CNTN5: variants seen among roughly 807,000 people sequenced by gnomAD.
CNTN5 encodes contactin-5.
CNTN5 carries 77 observed loss-of-function variants against 129.1 expected under a neutral mutation model. That is an observed-to-expected ratio of 0.60 (90% confidence interval 0.50 to 0.72). The LOEUF is 0.72. Among genes scored for constraint, CNTN5 ranks in the 30% least tolerant of loss-of-function variants. The probability of loss-of-function intolerance (pLI) is 0.00; values close to 1 mark genes in which losing one functional copy is unlikely to be tolerated. For synonymous variants in CNTN5, 509 were observed against 465.6 expected (o/e 1.09, Z -1.20); for missense variants, 1,478 against 1,328.8 (o/e 1.11, Z -1.75).
At chr11:100,217,966 A>G (rs1431793460) in intron 15 of CNTN5, among the ~76,000 whole-genome samples, 2 of 152,194 alleles carry the variant, frequency 1.3e-5, no homozygotes, top group African/African-American at 4.8e-5. Flanking sequence ...GAGTCCCAAC[A>G]TGGTCCCTTC....
At chr11:100,064,491 A>G (rs1484444214) in intron 10 of CNTN5, among the ~76,000 whole-genome samples, 7 of 152,178 alleles carry the variant, frequency 4.6e-5, no homozygotes, top group Non-Finnish European at 8.8e-5. Flanking sequence ...CTAATATAAC[A>G]TAAATAGGTC....
intron 9 of CNTN5, among the ~76,000 whole-genome samples, chr11:100,003,627 T>C (rs550764573): frequency 4.5e-4 from 68 of 152,332 alleles, no homozygotes; most frequent in African/African-American, 1.6e-3. Flanking sequence ...GCTTATTTAA[T>C]AAGTTAGATG....
chr11:100,245,465 C>T (rs111965157), intron 16 of CNTN5, among the ~76,000 whole-genome samples: 1,529 of 152,106 alleles, frequency 0.01, 29 homozygotes, highest in African/African-American at 0.035. Flanking sequence ...ATGAGATTGG[C>T]AGGACTGATA....
chr11:99,831,924 A>T (rs1414477179), intron 4 of CNTN5, among the ~76,000 whole-genome samples: 2 of 152,178 alleles, frequency 1.3e-5, no homozygotes, highest in Non-Finnish European at 2.9e-5. Context: ...GTGTAGTCAG[A>T]AGAGGATCAG....
At chr11:99,507,803 C>A (rs1946682862) in intron 2 of CNTN5, among the ~76,000 whole-genome samples, 3 of 152,120 alleles carry the variant, frequency 2.0e-5, no homozygotes, top group Non-Finnish European at 4.4e-5. Context: ...CTTCCAGCTT[C>A]TTTTCCGTTT....
At chr11:99,911,933 A>G (rs1420977310) in intron 6 of CNTN5, among the ~76,000 whole-genome samples, 3 of 151,956 alleles carry the variant, frequency 2.0e-5, no homozygotes, top group Non-Finnish European at 4.4e-5. Flanking sequence ...AATAATTTAC[A>G]ACAATATATA....
intron 3 of CNTN5, among the ~76,000 whole-genome samples, chr11:99,642,121 C>T (rs965561173): frequency 1.3e-5 from 2 of 152,094 alleles, no homozygotes; most frequent in African/African-American, 2.4e-5. Flanking sequence ...TGAAAGAGTG[C>T]CAGTCTTGAG....
intron 3 of CNTN5, among the ~76,000 whole-genome samples, chr11:99,577,360 C>G (rs947385157): frequency 1.3e-5 from 2 of 152,052 alleles, no homozygotes; most frequent in Admixed American, 6.6e-5. Flanking sequence ...TAAATGGGCT[C>G]TTCACATTTA....
intron 3 of CNTN5, among the ~76,000 whole-genome samples, chr11:99,576,115 A>G (rs1331447714): frequency 6.6e-6 from 1 of 152,024 alleles, no homozygotes; most frequent in Non-Finnish European, 1.5e-5. Flanking sequence ...GAAACAAATA[A>G]CCGCTTTTTC....
intron 13 of CNTN5, among the ~76,000 whole-genome samples, chr11:100,124,003 C>A (rs1485241236): frequency 3.9e-5 from 6 of 152,008 alleles, no homozygotes; most frequent in Admixed American, 2.0e-4. Context: ...GGCTTATAAA[C>A]CAAAAAGTTC....
chr11:100,285,842 T>C (rs11827124), intron 18 of CNTN5, among the ~76,000 whole-genome samples: 10 of 152,082 alleles, frequency 6.6e-5, no homozygotes, highest in African/African-American at 2.2e-4. Context: ...CCATCTGAGG[T>C]ACCGGGTTCA....
intron 13 of CNTN5, among the ~76,000 whole-genome samples, chr11:100,123,228 T>C (rs972430825): frequency 1.3e-4 from 19 of 151,996 alleles, no homozygotes; most frequent in Admixed American, 1.3e-4. Flanking sequence ...TATAAATAAA[T>C]CAGTCCATCA....
chr11:99,815,225 C>T (rs1946545226), intron 3 of CNTN5, among the ~76,000 whole-genome samples: 1 of 150,916 alleles, frequency 6.6e-6, no homozygotes, highest in Non-Finnish European at 1.5e-5. Flanking sequence ...TATATTCCAC[C>T]CTCAACAGAT....
chr11:100,138,924 C>G (rs1222010439), intron 13 of CNTN5, among the ~76,000 whole-genome samples: 1 of 152,020 alleles, frequency 6.6e-6, no homozygotes, highest in Admixed American at 6.6e-5. Context: ...TGATATCTTT[C>G]TAGACGTATT....
intron 8 of CNTN5, among the ~76,000 whole-genome samples, chr11:99,960,461 ATATC>A (rs1950913755): frequency 6.6e-6 from 1 of 152,276 alleles, no homozygotes; most frequent in Admixed American, 6.5e-5. Context: ...AAATCAATAA[ATATC>A]TACAGATTAT....
chr11:99,331,850 A>G (rs979297442), intron 2 of CNTN5, among the ~76,000 whole-genome samples: 1 of 152,160 alleles, frequency 6.6e-6, no homozygotes, highest in African/African-American at 2.4e-5. Context: ...TAACAAAAGG[A>G]ATAGTATACC....
chr11:99,376,432 G>A (rs1041276850), intron 2 of CNTN5, among the ~76,000 whole-genome samples: 5 of 152,162 alleles, frequency 3.3e-5, no homozygotes, highest in African/African-American at 1.2e-4. Flanking sequence ...TATTCTCTTG[G>A]TAGTGGGAGG....
chr11:100,318,345 G>A (rs935562214), intron 21 of CNTN5, among the ~76,000 whole-genome samples: 2 of 150,422 alleles, frequency 1.3e-5, no homozygotes, highest in Admixed American at 6.6e-5. Flanking sequence ...CCTAAACCCA[G>A]CCATCCATGA....
chr11:99,901,815 T>C (rs1949365166), intron 6 of CNTN5, among the ~76,000 whole-genome samples: 1 of 152,348 alleles, frequency 6.6e-6, no homozygotes, highest in East Asian at 1.9e-4. Flanking sequence ...AGATGCTGGA[T>C]ACAAGGATAC....
Sources: allele counts gnomAD v4.1 joint callset (sites outside exome capture counted in the v4.1 genomes callset), GRCh38; gene constraint gnomAD v4.1.1; transcripts MANE v1.5; gene names NCBI Gene and HGNC (gene_info 2026-07-23, HGNC 2026-07-21).